The following NRXN3 variants were observed in gnomAD, a reference collection of about 807,000 sequenced individuals.
NRXN3 encodes neurexin III.
NRXN3 carries 32 observed loss-of-function variants against 137.6 expected under a neutral mutation model. The ratio of observed to expected loss-of-function variants is 0.23; its 90% confidence interval spans 0.18 to 0.31. NRXN3 has a LOEUF of 0.31. Among genes scored for constraint, NRXN3 ranks in the 10% least tolerant of loss-of-function variants. The pLI is 1.00. For missense variants in NRXN3, 1,574 were observed against 2,062.5 expected, an observed-to-expected ratio of 0.76 and a Z score of 4.59; for synonymous variants, 798 against 784.5, an observed-to-expected ratio of 1.02 and a Z score of -0.29.
intron 16 of NRXN3, among the ~76,000 whole-genome samples, chr14:79,482,661 C>T (rs180731299): frequency 1.8e-4 from 28 of 152,116 alleles, no homozygotes; most frequent in Admixed American, 9.8e-4. Context: ...GCTAAAAACA[C>T]CTAAACACCA....
intron 2 of NRXN3, among the ~76,000 whole-genome samples, chr14:78,274,217 T>G (rs1406817050): frequency 2.6e-5 from 4 of 152,224 alleles, no homozygotes. Context: ...CTCATGCTTC[T>G]GTGAAGGAAT....
chr14:78,177,275 A>G (rs1023347033), intron 1 of NRXN3, among the ~76,000 whole-genome samples: 7 of 152,136 alleles, frequency 4.6e-5, no homozygotes, highest in Admixed American at 3.9e-4. Context: ...GATGTCATAC[A>G]ATATGGGTGA....
intron 15 of NRXN3, among the ~76,000 whole-genome samples, chr14:79,049,081 TAA>T (rs2099638016): frequency 1.8e-5 from 1 of 55,504 alleles, no homozygotes; most frequent in Non-Finnish European, 3.4e-5. Flanking sequence ...AAAATAATAA[TAA>T]TAATAATAAT....
chr14:79,756,189 T>C (rs112529881), intron 19 of NRXN3, among the ~76,000 whole-genome samples: 175 of 152,254 alleles, frequency 1.1e-3, no homozygotes, highest in African/African-American at 3.8e-3. Flanking sequence ...TTGATGACTT[T>C]TCTGAAAATC....
At chr14:78,395,607 G>A (rs2091363388) in intron 4 of NRXN3, among the ~76,000 whole-genome samples, 1 of 151,754 alleles carries the variant, frequency 6.6e-6, no homozygotes, top group Admixed American at 6.6e-5. Flanking sequence ...TTGAGAGAAG[G>A]GTGTGAAGTC....
chr14:79,375,309 C>G (rs1439346935), intron 15 of NRXN3, among the ~76,000 whole-genome samples: 24 of 149,776 alleles, frequency 1.6e-4, no homozygotes, highest in African/African-American at 5.7e-4. Flanking sequence ...ACACATATAC[C>G]CTTTTTTCAT....
chr14:78,610,647 G>T (rs2097292980), intron 4 of NRXN3, among the ~76,000 whole-genome samples: 1 of 152,240 alleles, frequency 6.6e-6, no homozygotes, highest in Non-Finnish European at 1.5e-5. Flanking sequence ...GTTGGGCAGA[G>T]CCCAGGTATT....
chr14:78,396,229 A>G (rs2091442090), intron 4 of NRXN3, among the ~76,000 whole-genome samples: 1 of 151,980 alleles, frequency 6.6e-6, no homozygotes, highest in Non-Finnish European at 1.5e-5. Flanking sequence ...TTAACTGTCC[A>G]TGTGAAGTGT....
At chr14:78,327,354 G>A (rs1172722901) in intron 4 of NRXN3, among the ~76,000 whole-genome samples, 1 of 152,116 alleles carries the variant, frequency 6.6e-6, no homozygotes, top group Non-Finnish European at 1.5e-5. Context: ...CCTAGGTGAA[G>A]CAAACAACAT....
intron 16 of NRXN3, among the ~76,000 whole-genome samples, chr14:79,594,060 A>C (rs896324197): frequency 6.6e-6 from 1 of 152,222 alleles, no homozygotes; most frequent in African/African-American, 2.4e-5. Flanking sequence ...CATTGCTTAG[A>C]GAAATCCTTT....
At chr14:78,792,547 G>A (rs2098808976) in intron 8 of NRXN3, among the ~76,000 whole-genome samples, 1 of 152,118 alleles carries the variant, frequency 6.6e-6, no homozygotes, top group South Asian at 2.1e-4. Context: ...AAACTGGAAA[G>A]TTTTCTTAAT....
chr14:79,236,267 G>A (rs1040374573), intron 15 of NRXN3, among the ~76,000 whole-genome samples: 40 of 152,050 alleles, frequency 2.6e-4, no homozygotes, highest in Admixed American at 1.2e-3. Flanking sequence ...ACTCAATGAT[G>A]TATTTCTAGG....
intron 4 of NRXN3, among the ~76,000 whole-genome samples, chr14:78,593,814 T>G (rs1480286434): frequency 6.6e-6 from 1 of 152,132 alleles, no homozygotes; most frequent in Non-Finnish European, 1.5e-5. Flanking sequence ...GACTTGGGCT[T>G]AGCTTCTTCA....
chr14:78,694,961 A>T (rs1361184277), intron 6 of NRXN3, among the ~76,000 whole-genome samples: 1 of 151,978 alleles, frequency 6.6e-6, no homozygotes, highest in East Asian at 1.9e-4. Flanking sequence ...TAGCTTAAAA[A>T]TAGTAATTTT....
At chr14:79,348,668 C>T (rs1466681622) in intron 15 of NRXN3, among the ~76,000 whole-genome samples, 3 of 152,250 alleles carry the variant, frequency 2.0e-5, no homozygotes, top group Admixed American at 6.5e-5. Flanking sequence ...TAAGCCACCG[C>T]GCCCGGCCTA....
chr14:79,617,930 A>AAAAAAAAAAAAAAAAG (rs1385000688), intron 16 of NRXN3, among the ~76,000 whole-genome samples: 23 of 148,822 alleles, frequency 1.5e-4, no homozygotes, highest in African/African-American at 4.1e-4. Flanking sequence ...AAAAAAAAAA[A>AAAAAAAAAAAAAAAAG]AACATGCTTA....
intron 15 of NRXN3, among the ~76,000 whole-genome samples, chr14:79,126,442 G>A (rs1025801586): frequency 8.7e-5 from 13 of 149,358 alleles, no homozygotes; most frequent in Non-Finnish European, 1.8e-4. Flanking sequence ...TTTTGTTCTT[G>A]CGATAGTTTA....
chr14:79,849,710 A>T (rs1454668523), intron 20 of NRXN3, among the ~76,000 whole-genome samples: 3 of 152,186 alleles, frequency 2.0e-5, no homozygotes, highest in Non-Finnish European at 4.4e-5. Flanking sequence ...TTCCTAAATT[A>T]AAAATGGAAT....
intron 19 of NRXN3, among the ~76,000 whole-genome samples, chr14:79,745,671 A>C (rs771942876): frequency 1.7e-4 from 26 of 152,132 alleles, no homozygotes; most frequent in Non-Finnish European, 2.6e-4. Context: ...CCACACACTG[A>C]GTGCCTTAAA....
Sources: allele counts gnomAD v4.1 joint callset (sites outside exome capture counted in the v4.1 genomes callset), GRCh38; gene constraint gnomAD v4.1.1; transcripts MANE v1.5; gene names NCBI Gene and HGNC (gene_info 2026-07-23, HGNC 2026-07-21).